Variants in PTPRA observed in about 807,000 individuals in gnomAD.
The protein encoded by PTPRA is receptor-type tyrosine-protein phosphatase alpha.
Under a neutral mutation model 104.8 loss-of-function variants are expected in PTPRA, and 25 were observed. The ratio of observed to expected loss-of-function variants is 0.24; its 90% CI spans 0.17 to 0.33. The LOEUF is 0.33. Among genes scored for constraint, PTPRA ranks in the 10% least tolerant of loss-of-function variants. The pLI, the probability that PTPRA is intolerant of heterozygous loss-of-function variation, is 1.00. For synonymous variants in PTPRA, 323 were observed against 368.9 expected (o/e 0.88, Z 1.43); for missense variants, 765 against 1,015.3 (o/e 0.75, Z 3.35).
intron 5 of PTPRA, among the ~76,000 whole-genome samples, chr20:2,966,584 T>C (rs2061954357): frequency 6.6e-6 from 1 of 152,258 alleles, no homozygotes; most frequent in African/African-American, 2.4e-5. Flanking sequence ...GTCTGATACT[T>C]GCTTTGTGCT....
At chr20:2,875,974 G>GC (rs1184854672) in intron 1 of PTPRA, among the ~76,000 whole-genome samples, 1 of 152,196 alleles carries the variant, frequency 6.6e-6, no homozygotes, top group Non-Finnish European at 1.5e-5. Context: ...GTGGTGGAAG[G>GC]AATCCACTGT....
intron 1 of PTPRA, among the ~76,000 whole-genome samples, chr20:2,875,670 A>G (rs960453550): frequency 6.6e-6 from 1 of 152,200 alleles, no homozygotes; most frequent in Non-Finnish European, 1.5e-5. Context: ...CAAGCTATGT[A>G]ATGTTTTCCA....
intron 12 of PTPRA, among the ~76,000 whole-genome samples, chr20:3,016,950 T>G (rs1415946038): frequency 6.6e-6 from 1 of 152,090 alleles, no homozygotes; most frequent in African/African-American, 2.4e-5. Context: ...CCCAGAAGAG[T>G]CAAATCACAA....
chr20:3,010,428 A>G (rs1248380779), intron 11 of PTPRA, among the ~76,000 whole-genome samples: 1 of 151,798 alleles, frequency 6.6e-6, no homozygotes, highest in East Asian at 2.0e-4. Context: ...GGAGATCGAG[A>G]CCATCCTGGC....
intron 5 of PTPRA, among the ~76,000 whole-genome samples, chr20:2,971,120 G>A (rs768040527): frequency 1.3e-5 from 2 of 152,102 alleles, no homozygotes; most frequent in Non-Finnish European, 2.9e-5. Context: ...AGTAAAATGA[G>A]TCATTCCTTG....
chr20:2,941,733 G>A (rs1224696274), intron 2 of PTPRA, among the ~76,000 whole-genome samples: 1 of 152,118 alleles, frequency 6.6e-6, no homozygotes, highest in Non-Finnish European at 1.5e-5. Flanking sequence ...AGACACGGTG[G>A]CTTCTTTCAG....
At chr20:2,866,389 G>C in the PTPRA span, 3 of 1,614,026 alleles carry the variant, frequency 1.9e-6, no homozygotes, top group Non-Finnish European at 1.7e-6. Flanking sequence ...TTGTGCCCTT[G>C]AGCAGCCCCA....
upstream of PTPRA, among the ~76,000 whole-genome samples, chr20:2,868,575 G>A (rs1006550621): frequency 5.1e-5 from 7 of 135,998 alleles, no homozygotes; most frequent in African/African-American, 1.9e-4. Context: ...CAGCAGACAA[G>A]AGGAAAGGAA....
chr20:2,907,453 G>A (rs967393166), intron 1 of PTPRA, among the ~76,000 whole-genome samples: 1 of 152,054 alleles, frequency 6.6e-6, no homozygotes, highest in African/African-American at 2.4e-5. Context: ...TAACATGGTT[G>A]GTTTAATAAT....
chr20:3,002,033 A>T (rs543619597), intron 9 of PTPRA, among the ~76,000 whole-genome samples: 18 of 152,112 alleles, frequency 1.2e-4, no homozygotes, highest in African/African-American at 3.9e-4. Context: ...CCAGTTACTC[A>T]GGAGGCTGAG....
intron 10 of PTPRA, 71 bp from the exon 11 acceptor site, chr20:3,007,273 G>T (rs1262147702): frequency 2.8e-6 from 4 of 1,445,888 alleles, no homozygotes; most frequent in African/African-American, 1.4e-5. Flanking sequence ...TGTCTCAACT[G>T]TCCTGGTTGC....
intron 11 of PTPRA, among the ~76,000 whole-genome samples, chr20:3,012,655 A>G (rs184929816): frequency 6.6e-6 from 1 of 152,366 alleles, no homozygotes. Context: ...TTATGTGCAG[A>G]TTAGAGATCA....
chr20:2,875,657 T>G (rs1024202708), intron 1 of PTPRA, among the ~76,000 whole-genome samples: 3 of 152,216 alleles, frequency 2.0e-5, no homozygotes, highest in African/African-American at 7.2e-5. Flanking sequence ...ATTTGCCTTG[T>G]GACAAGCTAT....
Position 2,910,151 on chromosome 20 carries a change from C to G in PTPRA, c.-128-13056C>G, listed in dbSNP as rs1390795915. On this transcript the variant is annotated intron_variant, in intron 1 of 23. Coordinates refer to ENST00000399903, the MANE Select transcript of PTPRA (RefSeq NM_001385305.1). ...TATATGATATATAACATCATATATA[C>G]TATACGTCATATATAATATGACGTA... Among the ~76,000 whole-genome samples, 4 of 91,214 alleles carry G rather than the reference C, an allele frequency of 4.4e-5. No individual in the cohort carries two copies. In the East Asian group the frequency reaches 1.6e-3, roughly 37 times the overall value. 59.8% of individuals were successfully genotyped at this position (91,214 alleles called of 152,430 possible). A position where few individuals can be genotyped will look rare whatever the true frequency, so the allele number is the denominator to read the frequency against.
intron 6 of PTPRA, among the ~76,000 whole-genome samples, chr20:2,983,921 T>C (rs751400611): frequency 6.6e-5 from 10 of 151,974 alleles, no homozygotes; most frequent in African/African-American, 9.7e-5. Flanking sequence ...TAACTAGATA[T>C]AGAGAAGAGT....
chr20:2,983,088 T>C (rs1467975310), intron 6 of PTPRA, among the ~76,000 whole-genome samples: 1 of 152,174 alleles, frequency 6.6e-6, no homozygotes, highest in African/African-American at 2.4e-5. Context: ...GAATAACTTA[T>C]TTCAGAAATG....
intron 20 of PTPRA, among the ~76,000 whole-genome samples, chr20:3,032,028 A>G (rs959051069): frequency 2.0e-5 from 3 of 152,124 alleles, no homozygotes; most frequent in Non-Finnish European, 4.4e-5. Flanking sequence ...TAGCAATGCT[A>G]TTGCTCTTTC....
intron 6 of PTPRA, among the ~76,000 whole-genome samples, chr20:2,986,525 G>C (rs935419445): frequency 6.6e-6 from 1 of 152,202 alleles, no homozygotes; most frequent in African/African-American, 2.4e-5. Context: ...ATAAATGTAT[G>C]ATAGTCAGAG....
At chr20:3,002,745 A>T (rs543681088) in intron 9 of PTPRA, among the ~76,000 whole-genome samples, 104 of 152,288 alleles carry the variant, frequency 6.8e-4, no homozygotes, top group Non-Finnish European at 7.3e-5. Flanking sequence ...AATAACAAGT[A>T]ATTCTTTAAC....
Sources: gnomAD v4.1 joint callset for allele counts (sites outside exome capture counted in the v4.1 genomes callset) on GRCh38, gnomAD v4.1.1 for gene constraint, MANE v1.5 for transcripts, NCBI Gene and HGNC (gene_info 2026-07-23, HGNC 2026-07-21) for gene names.